The following RIN2 variants were observed in gnomAD, a reference collection of about 807,000 sequenced individuals.
RIN2 encodes RAB5 interacting protein 2.
A neutral mutation model predicts 78.0 loss-of-function variants in RIN2; 36 were observed. The ratio of observed to expected loss-of-function variants is 0.46; its 90% CI spans 0.35 to 0.61. The LOEUF (loss-of-function observed/expected upper bound fraction) is 0.61, where lower values mean the gene tolerates loss of function less well. Among genes scored for constraint, RIN2 ranks in the 20% least tolerant of loss-of-function variants. The pLI, the probability that RIN2 is intolerant of heterozygous loss-of-function variation, is 0.00. For missense variants in RIN2, 1,087 were observed against 1,159.7 expected, an observed-to-expected ratio of 0.94 and a Z score of 0.91; for synonymous variants, 466 against 466.8, an observed-to-expected ratio of 1.00 and a Z score of 0.02.
chr20:19,958,336 C>T (rs563433371), intron 5 of RIN2, among the ~76,000 whole-genome samples: 1 of 152,370 alleles, frequency 6.6e-6, no homozygotes, highest in African/African-American at 2.4e-5. Flanking sequence ...ATTGTCTGCT[C>T]TTGCATTTCT....
intron 2 of RIN2, among the ~76,000 whole-genome samples, chr20:19,876,558 A>G (rs998174430): frequency 2.8e-5 from 4 of 144,702 alleles, no homozygotes; most frequent in Admixed American, 7.0e-5. Flanking sequence ...CTATGATGGC[A>G]TAACAGACAG....
intron 2 of RIN2, among the ~76,000 whole-genome samples, chr20:19,843,956 T>TGAG (rs1378031451): frequency 2.6e-5 from 4 of 152,222 alleles, no homozygotes; most frequent in African/African-American, 9.6e-5. Flanking sequence ...TCATTAACTA[T>TGAG]TCATAACTTT....
At chr20:19,766,596 G>A (rs552304912) in intron 1 of RIN2, among the ~76,000 whole-genome samples, 5 of 152,246 alleles carry the variant, frequency 3.3e-5, no homozygotes, top group African/African-American at 9.6e-5. Flanking sequence ...CTAATAACAC[G>A]TGGGTTCCAG....
intron 2 of RIN2, among the ~76,000 whole-genome samples, chr20:19,813,327 C>A (rs2035661680): frequency 1.3e-5 from 2 of 152,236 alleles, no homozygotes; most frequent in African/African-American, 4.8e-5. Flanking sequence ...TTTGCCATAT[C>A]ATGACTTTAG....
At chr20:19,780,031 ATATC>A (rs1417346317) in intron 1 of RIN2, among the ~76,000 whole-genome samples, 4 of 152,220 alleles carry the variant, frequency 2.6e-5, no homozygotes, top group African/African-American at 9.6e-5. Context: ...TATAAAGACA[ATATC>A]TACTCATTGT....
At chr20:19,965,656 G>C (rs1047167637) in intron 7 of RIN2, among the ~76,000 whole-genome samples, 1 of 152,214 alleles carries the variant, frequency 6.6e-6, no homozygotes, top group African/African-American at 2.4e-5. Flanking sequence ...CTGTCACCCA[G>C]GCTGGAGAGC....
At chr20:19,933,131 T>C (rs1434884093) in intron 3 of RIN2, among the ~76,000 whole-genome samples, 1 of 152,242 alleles carries the variant, frequency 6.6e-6, no homozygotes, top group African/African-American at 2.4e-5. Flanking sequence ...GTCTTCCTGT[T>C]TCTCATCTTG....
chr20:19,929,442 A>G (rs936696362), intron 3 of RIN2, among the ~76,000 whole-genome samples: 6 of 152,016 alleles, frequency 3.9e-5, no homozygotes, highest in Non-Finnish European at 5.9e-5. Context: ...GCTCACTGCA[A>G]CCTCTGCCTC....
chr20:19,889,300 A>G lies in RIN2; in HGVS notation c.-36-266A>G, dbSNP rs1032571554. 80 of 1,153,192 alleles carry G rather than the reference A, an allele frequency of 6.9e-5. No homozygotes were observed. The African/African-American group carries it at 1.2e-3, about 17-fold the overall frequency. The allele number at this position is 1,153,192 out of a possible 1,614,324, so 71.4% of individuals were successfully genotyped here. A position where few individuals can be genotyped will look rare whatever the true frequency, so the allele number is the denominator to read the frequency against. ...AGCAGGAGGTGAAACACACAAAGTA[A>G]TCATTAGGCTTCCTGAAGTCCCAAG... On this transcript the variant is annotated intron_variant, in intron 2 of 12. Coordinates refer to ENST00000255006, the MANE Select transcript of RIN2 (RefSeq NM_018993.4).
chr20:19,832,655 A>G (rs1235297633), intron 2 of RIN2, among the ~76,000 whole-genome samples: 2 of 151,812 alleles, frequency 1.3e-5, no homozygotes, highest in Non-Finnish European at 2.9e-5. Flanking sequence ...AACAATAGGC[A>G]TTTATTCTTA....
At chr20:19,805,561 C>T (rs1260807326) in intron 2 of RIN2, among the ~76,000 whole-genome samples, 8 of 151,998 alleles carry the variant, frequency 5.3e-5, no homozygotes, top group Admixed American at 5.2e-4. Flanking sequence ...ACCACCACAC[C>T]CAGCTAATTT....
At chr20:19,966,237 G>A (rs933858272) in intron 7 of RIN2, among the ~76,000 whole-genome samples, 2 of 151,900 alleles carry the variant, frequency 1.3e-5, no homozygotes, top group Non-Finnish European at 1.5e-5. Context: ...AGTTTGGCTC[G>A]GTTTATTTTA....
intron 3 of RIN2, among the ~76,000 whole-genome samples, chr20:19,892,874 CT>C (rs2038542615): frequency 6.6e-6 from 1 of 152,184 alleles, no homozygotes; most frequent in African/African-American, 2.4e-5. Flanking sequence ...CAGTGGCCAC[CT>C]TCTGGGACCC....
chr20:19,883,066 T>G (rs1282463817), intron 2 of RIN2, among the ~76,000 whole-genome samples: 1 of 152,166 alleles, frequency 6.6e-6, no homozygotes, highest in Non-Finnish European at 1.5e-5. Context: ...AAGGGTCAAC[T>G]GTATGCAGAC....
intron 2 of RIN2, among the ~76,000 whole-genome samples, chr20:19,854,845 C>T (rs919492375): frequency 6.6e-6 from 1 of 152,152 alleles, no homozygotes; most frequent in Non-Finnish European, 1.5e-5. Context: ...ATTTGACTTC[C>T]TCTTTTCCTA....
chr20:19,885,621 G>T (rs1023096563), intron 2 of RIN2, among the ~76,000 whole-genome samples: 9 of 151,972 alleles, frequency 5.9e-5, no homozygotes, highest in Non-Finnish European at 1.3e-4. Flanking sequence ...AGCTGAGATG[G>T]TGCCACTGCA....
At chr20:19,819,496 T>A (rs758155848) in intron 2 of RIN2, among the ~76,000 whole-genome samples, 3 of 152,246 alleles carry the variant, frequency 2.0e-5, no homozygotes, top group Non-Finnish European at 2.9e-5. Context: ...CTTTCCCTTT[T>A]ATTGATACAC....
intron 2 of RIN2, among the ~76,000 whole-genome samples, chr20:19,815,061 C>G (rs982036368): frequency 6.6e-6 from 1 of 152,220 alleles, no homozygotes; most frequent in Non-Finnish European, 1.5e-5. Context: ...GGATTATTAA[C>G]TGGCTCTGAG....
intron 1 of RIN2, among the ~76,000 whole-genome samples, chr20:19,797,460 T>G (rs2122681439): frequency 6.6e-6 from 1 of 152,360 alleles, no homozygotes; most frequent in South Asian, 2.1e-4. Context: ...CTAGTTATTT[T>G]ATTTGCACAT....
Sources: gnomAD v4.1 joint callset for allele counts (sites outside exome capture counted in the v4.1 genomes callset) on GRCh38, gnomAD v4.1.1 for gene constraint, MANE v1.5 for transcripts, NCBI Gene and HGNC (gene_info 2026-07-23, HGNC 2026-07-21) for gene names.